The following PHLDB2 variants were observed in gnomAD, a reference collection of about 807,000 sequenced individuals.
The protein encoded by PHLDB2 is pleckstrin homology like domain family B member 2.
Under a neutral mutation model 123.6 loss-of-function variants are expected in PHLDB2, and 71 were observed. The ratio of observed to expected loss-of-function variants is 0.57; its 90% CI spans 0.47 to 0.70. The LOEUF is 0.70. Among genes scored for constraint, PHLDB2 ranks in the 30% least tolerant of loss-of-function variants. The probability of loss-of-function intolerance (pLI) is 0.00; values close to 1 mark genes in which losing one functional copy is unlikely to be tolerated. For synonymous variants in PHLDB2, 547 were observed against 541.6 expected (o/e 1.01, Z -0.14); for missense variants, 1,446 against 1,519.5 (o/e 0.95, Z 0.80).
chr3:111,959,035 G>T (rs1485394898), intron 12 of PHLDB2, among the ~76,000 whole-genome samples: 1 of 152,230 alleles, frequency 6.6e-6, no homozygotes, highest in African/African-American at 2.4e-5. Flanking sequence ...GAGAGTGGAG[G>T]CCTAGGCCAG....
At chr3:111,954,507 T>A (rs141330493) in intron 12 of PHLDB2, among the ~76,000 whole-genome samples, 2 of 152,222 alleles carry the variant, frequency 1.3e-5, no homozygotes, top group African/African-American at 4.8e-5. Context: ...GCTTTTATAC[T>A]TCATAGTTGT....
intron 1 of PHLDB2, among the ~76,000 whole-genome samples, chr3:111,861,305 T>A (rs926122397): frequency 3.3e-5 from 5 of 152,236 alleles, no homozygotes; most frequent in African/African-American, 1.2e-4. Context: ...ATCCTCTGCT[T>A]AGTTATTTAA....
intron 1 of PHLDB2, among the ~76,000 whole-genome samples, chr3:111,866,886 C>G (rs1439304323): frequency 6.6e-6 from 1 of 150,704 alleles, no homozygotes; most frequent in Admixed American, 6.6e-5. Context: ...AGAACTTGAC[C>G]TAAAGAGCTC....
chr3:111,804,533 C>T (rs772296118), intron 1 of PHLDB2, among the ~76,000 whole-genome samples: 5 of 152,186 alleles, frequency 3.3e-5, no homozygotes, highest in Non-Finnish European at 5.9e-5. Flanking sequence ...TTGTTTTCTA[C>T]GCAGAGTATA....
chr3:111,791,909 T>C (rs7621055), intron 1 of PHLDB2, among the ~76,000 whole-genome samples: 13,541 of 152,232 alleles, frequency 0.089, 1,123 homozygotes, highest in East Asian at 0.43. Context: ...TCTCAAACAC[T>C]AGAACTTATT....
At chr3:111,789,831 C>G in intron 1 of PHLDB2, among the ~76,000 whole-genome samples, 1 of 152,116 alleles carries the variant, frequency 6.6e-6, no homozygotes, top group Non-Finnish European at 1.5e-5. Flanking sequence ...TTTTGTTTGG[C>G]CCTTGTCTTT....
At chr3:111,828,718 T>C (rs1211721786) in intron 1 of PHLDB2, among the ~76,000 whole-genome samples, 1 of 152,062 alleles carries the variant, frequency 6.6e-6, no homozygotes, top group East Asian at 1.9e-4. Flanking sequence ...AGGCAGAGGA[T>C]GCAGTGACTA....
chr3:111,951,360 C>T (rs775481832), intron 10 of PHLDB2, among the ~76,000 whole-genome samples: 11 of 152,024 alleles, frequency 7.2e-5, no homozygotes, highest in Admixed American at 1.3e-4. Context: ...AATGAGATAA[C>T]GTATATAAAC....
chr3:111,962,291 G>A lies in PHLDB2; in HGVS notation c.3056G>A (p.Cys1019Tyr), dbSNP rs1408385752. The A allele has an allele frequency of 1.3e-6, 2 of 1,588,166 alleles. No homozygotes were observed. Among genetic ancestry groups the A allele is most frequent in the South Asian group, 1.2e-5 (1 of 85,094 alleles). Residue 1019 changes from cysteine (C) to tyrosine (Y), a missense_variant, in exon 13 of 18, where the codon TGC becomes TAC. This residue lies in a region of PHLDB2 where 594 missense variants were observed against 646.0 expected (regional missense o/e 0.92). Transcript: ENST00000431670. ...AGCATGGAGACCAGCATCTCTGCTT[G>A]CTCACCAGACAACATCTCTAGGTAA... The part of the protein sequence containing the change: ...SDSMETSISA[C>Y]SPDNISSAST...
chr3:111,949,965 C>G, intron 10 of PHLDB2: 2 of 935,502 alleles, frequency 2.1e-6, no homozygotes, highest in Non-Finnish European at 2.6e-6. Flanking sequence ...ATCTTTTCTT[C>G]TACTTTCCCA....
intron 1 of PHLDB2, among the ~76,000 whole-genome samples, chr3:111,780,376 G>C (rs1050476659): frequency 2.4e-5 from 1 of 41,350 alleles, no homozygotes; most frequent in Admixed American, 3.2e-4. Context: ...AGAAGAAGAA[G>C]AAGAAGAAGA....
At chr3:111,822,657 T>C (rs2062457354) in intron 1 of PHLDB2, among the ~76,000 whole-genome samples, 1 of 152,080 alleles carries the variant, frequency 6.6e-6, no homozygotes, top group Non-Finnish European at 1.5e-5. Flanking sequence ...CTGGTAAACA[T>C]TGGCAAGTTG....
chr3:111,946,393 T>C (rs893964454), intron 9 of PHLDB2, among the ~76,000 whole-genome samples: 14 of 152,230 alleles, frequency 9.2e-5, no homozygotes, highest in African/African-American at 3.4e-4. Context: ...CTTACGTGTT[T>C]GCACAATCAA....
chr3:111,762,506 A>C (rs2060012108), intron 1 of PHLDB2, among the ~76,000 whole-genome samples: 1 of 152,190 alleles, frequency 6.6e-6, no homozygotes. Context: ...CTCTGAAGTT[A>C]TGCCTTGTGA....
rs1325660501 is a variant in PHLDB2, at chr3:111,908,963, T to A, written c.1336-4356T>A. Reference sequence around the variant, plus strand: ...AAAACTTACTTTAGGGCTGTTGTAATCCCTAAGAGGAAGAAATGTGACCCA... The same window carrying A: ...AAAACTTACTTTAGGGCTGTTGTAAACCCTAAGAGGAAGAAATGTGACCCA... On this transcript the variant is annotated intron_variant, in intron 2 of 17. Coordinates refer to ENST00000431670, the MANE Select transcript of PHLDB2 (RefSeq NM_001134438.2). 5.3e-5 allele frequency among the ~76,000 whole-genome samples: 8 copies of A among 152,284 alleles called. No homozygotes were observed. In the East Asian group the frequency reaches 1.5e-3, roughly 29 times the overall value.
At chr3:111,935,162 C>T (rs915574960) in intron 6 of PHLDB2, among the ~76,000 whole-genome samples, 1 of 133,366 alleles carries the variant, frequency 7.5e-6, no homozygotes, top group East Asian at 2.2e-4. Flanking sequence ...GGTAGTAGTG[C>T]GATCTCGGCT....
At chr3:111,940,471 G>T in intron 7 of PHLDB2, 64 bp from the exon 8 acceptor site, 1 of 926,246 alleles carries the variant, frequency 1.1e-6, no homozygotes, top group Non-Finnish European at 1.6e-6. Context: ...CCTTTTCTAG[G>T]ACAGACTAGC....
At chr3:111,814,628 TAAA>T (rs35877984) in intron 1 of PHLDB2, among the ~76,000 whole-genome samples, 20 of 142,158 alleles carry the variant, frequency 1.4e-4, no homozygotes, top group African/African-American at 4.4e-4. Flanking sequence ...AGTATTTATT[TAAA>T]AAAAAAAAAA....
At chr3:111,757,628 C>A (rs1211608520) in intron 1 of PHLDB2, among the ~76,000 whole-genome samples, 1 of 152,232 alleles carries the variant, frequency 6.6e-6, no homozygotes, top group Non-Finnish European at 1.5e-5. Flanking sequence ...AGCTGCGTTC[C>A]TCTGGAGGAG....
Sources: gnomAD v4.1 joint callset for allele counts (sites outside exome capture counted in the v4.1 genomes callset) on GRCh38, gnomAD v4.1.1 for gene constraint, gnomAD v4.1.1 regional missense constraint, MANE v1.5 for transcripts, NCBI Gene and HGNC (gene_info 2026-07-23, HGNC 2026-07-21) for gene names.